ZFP1: variants seen among roughly 807,000 people sequenced by gnomAD.
The protein encoded by ZFP1 is zinc finger protein 1 homolog.
Under a neutral mutation model 38.5 loss-of-function variants are expected in ZFP1, and 32 were observed. That is an observed-to-expected ratio of 0.83 (90% CI 0.63 to 1.12). The LOEUF is 1.12. Among genes scored for constraint, ZFP1 ranks in the 50% most tolerant of loss-of-function variants. The probability of loss-of-function intolerance (pLI) is 0.00; values close to 1 mark genes in which losing one functional copy is unlikely to be tolerated. For synonymous variants in ZFP1, 245 were observed against 168.8 expected (o/e 1.45, Z -3.50); for missense variants, 616 against 480.8 (o/e 1.28, Z -2.63).
At chr16:75,154,543 T>C (rs2037373409) in intron 2 of ZFP1, among the ~76,000 whole-genome samples, 1 of 151,172 alleles carries the variant, frequency 6.6e-6, no homozygotes, top group Admixed American at 6.6e-5. Flanking sequence ...CCATTTTACA[T>C]TCCCACATTC....
At chr16:75,163,716 G>A (rs967896016) in intron 2 of ZFP1, among the ~76,000 whole-genome samples, 3 of 151,498 alleles carry the variant, frequency 2.0e-5, no homozygotes, top group Non-Finnish European at 4.4e-5. Context: ...GGCCCAAGCT[G>A]TCCTCCTACC....
chr16:75,163,241 G>T (rs8061379), intron 2 of ZFP1, among the ~76,000 whole-genome samples: 135,944 of 152,202 alleles, frequency 0.89, 60,847 homozygotes, highest in African/African-American at 0.91. Flanking sequence ...ATACATTAAT[G>T]TTGTCTCTTA....
At chr16:75,153,103 C>CA (rs2037291266) in intron 2 of ZFP1, 137 bp downstream of exon 2, 1 of 1,162,506 alleles carries the variant, frequency 8.6e-7, no homozygotes, top group African/African-American at 1.6e-5. Context: ...TACCAGCAGC[C>CA]AAAAAGCAAA....
upstream of ZFP1, among the ~76,000 whole-genome samples, chr16:75,146,598 G>A (rs145777025): frequency 4.8e-3 from 735 of 152,136 alleles, 5 homozygotes; most frequent in African/African-American, 0.017. Flanking sequence ...TAGGTGAATG[G>A]ATTTAAAACA....
Position 75,157,937 on chromosome 16 carries a change from A to G in ZFP1, c.15+4971A>G, listed in dbSNP as rs569238583. Among the ~76,000 whole-genome samples, 5 of 151,862 alleles carry G rather than the reference A, an allele frequency of 3.3e-5. No homozygotes were observed. In the South Asian group the frequency reaches 1.0e-3, roughly 32 times the overall value. On this transcript the variant is annotated intron_variant, in intron 2 of 3. Coordinates refer to ENST00000570010, the MANE Select transcript of ZFP1 (RefSeq NM_153688.4). ...TTTGGAACTACAGGCGTGTACCACC[A>G]TGCTCAGGCAATTTTTGTAGTTTTG...
At chr16:75,153,260 T>C (rs1337059574) in intron 2 of ZFP1, among the ~76,000 whole-genome samples, 2 of 152,194 alleles carry the variant, frequency 1.3e-5, no homozygotes, top group Non-Finnish European at 2.9e-5. Flanking sequence ...GGTTATCACT[T>C]TATCTGTGGT....
chr16:75,123,455 GTATATATATATATA>G, the ZFP1 span, among the ~76,000 whole-genome samples: 4,863 of 87,208 alleles, frequency 0.056, 280 homozygotes, highest in East Asian at 0.072. Context: ...GTGTGTATAT[GTATATATATATATA>G]TATATATATA....
At chr16:75,163,853 C>T (rs879831459) in intron 2 of ZFP1, among the ~76,000 whole-genome samples, 1 of 152,304 alleles carries the variant, frequency 6.6e-6, no homozygotes, top group Non-Finnish European at 1.5e-5. Context: ...TCAAGCAGTC[C>T]TCCTGCGTCA....
the ZFP1 span, among the ~76,000 whole-genome samples, chr16:75,120,672 G>A: frequency 3.0e-3 from 455 of 152,120 alleles, 3 homozygotes; most frequent in African/African-American, 0.01. Flanking sequence ...CGCAATCTCG[G>A]CTCACTGCAA....
chr16:75,170,046 C>T lies in ZFP1; in HGVS notation c.936C>T (p.Ile312=), dbSNP rs748509846. ...AKTFFKKSNL[I]IHQKIHTGEK... is the part of the protein sequence containing the mutation. The stretch of plus-strand genomic sequence containing the variant: ...CCTTCTTTAAGAAGTCAAACCTTAT[C>T]ATACATCAGAAGATTCACACGGGGG... Residue 312 remains isoleucine, a synonymous_variant, in exon 4 of 4, where the codon ATC becomes ATT. Transcript: ENST00000570010. 6.8e-6 allele frequency: 11 copies of T among 1,614,054 alleles called. No individual in the cohort carries two copies. The African/African-American group carries it at 1.2e-4, about 18-fold the overall frequency.
intron 1 of ZFP1, among the ~76,000 whole-genome samples, chr16:75,150,260 G>C (rs1374623647): frequency 6.9e-6 from 1 of 145,586 alleles, no homozygotes; most frequent in Non-Finnish European, 1.5e-5. Flanking sequence ...CCAGTCTGGA[G>C]TGCAGTAGCG....
At chr16:75,145,040 G>A (rs2036928181), upstream of ZFP1, among the ~76,000 whole-genome samples, 1 of 152,156 alleles carries the variant, frequency 6.6e-6, no homozygotes, top group Non-Finnish European at 1.5e-5. Flanking sequence ...TCACGTTGTA[G>A]CGTGTACCAG....
chr16:75,128,323 T>C, the ZFP1 span, among the ~76,000 whole-genome samples: 1 of 152,218 alleles, frequency 6.6e-6, no homozygotes, highest in South Asian at 2.1e-4. Flanking sequence ...AAAAGTCTTA[T>C]CTGAGATTCC....
At chr16:75,150,209 CTT>C (rs35346527) in intron 1 of ZFP1, among the ~76,000 whole-genome samples, 339 of 100,216 alleles carry the variant, frequency 3.4e-3, no homozygotes, top group Admixed American at 0.012. Flanking sequence ...TTTTCCAGAT[CTT>C]TTTTTTTTTT....
chr16:75,170,016 A>G lies in ZFP1; in HGVS notation c.906A>G (p.Ala302=). ...GERPYECNEC[A]KTFFKKSNLI... ...GACCCTATGAGTGTAACGAATGTGC[A>G]AAAACCTTCTTTAAGAAGTCAAACC... Residue 302 remains alanine (A), a synonymous_variant, in exon 4 of 4, where the codon GCA becomes GCG. Transcript: ENST00000570010. 2 of 1,614,216 alleles carry G rather than the reference A, an allele frequency of 1.2e-6. No individual in the cohort carries two copies. The highest frequency in any genetic ancestry group is 1.1e-5 in the South Asian group (1 of 91,078).
chr16:75,134,253 TA>T, the ZFP1 span, among the ~76,000 whole-genome samples: 2 of 152,210 alleles, frequency 1.3e-5, no homozygotes, highest in Non-Finnish European at 1.5e-5. Context: ...AATGTTATGT[TA>T]GGTGAATTTT....
the ZFP1 span, among the ~76,000 whole-genome samples, chr16:75,120,600 ATTGT>A: frequency 1.5e-5 from 2 of 134,240 alleles, no homozygotes; most frequent in East Asian, 2.2e-4. Flanking sequence ...TGTTTTTTGT[ATTGT>A]TTGTTTGTTT....
chr16:75,150,866 C>G (rs1380823762), intron 1 of ZFP1, among the ~76,000 whole-genome samples: 2 of 152,088 alleles, frequency 1.3e-5, no homozygotes, highest in Non-Finnish European at 2.9e-5. Flanking sequence ...TCTCTGTTGC[C>G]CAAGCTGGAG....
At chr16:75,146,972 ACTTG>A, upstream of ZFP1, among the ~76,000 whole-genome samples, 1 of 146,992 alleles carries the variant, frequency 6.8e-6, no homozygotes, top group African/African-American at 2.5e-5. Flanking sequence ...AGCCAGGGTA[ACTTG>A]AGGGAAACAT....
Sources: gnomAD v4.1 joint callset for allele counts (sites outside exome capture counted in the v4.1 genomes callset) on GRCh38, gnomAD v4.1.1 for gene constraint, MANE v1.5 for transcripts, NCBI Gene and HGNC (gene_info 2026-07-23, HGNC 2026-07-21) for gene names.